The following NUMA1 variants were observed in gnomAD, a reference collection of about 807,000 sequenced individuals.
NUMA1 encodes nuclear mitotic apparatus protein 1.
Under a neutral mutation model 237.1 loss-of-function variants are expected in NUMA1, and 62 were observed. The observed-to-expected ratio is 0.26, with a 90% confidence interval of 0.21 to 0.32. NUMA1 has a LOEUF of 0.32. Ranked by LOEUF, NUMA1 falls within the 10% of genes least tolerant of loss-of-function variation. The pLI, the probability that NUMA1 is intolerant of heterozygous loss-of-function variation, is 1.00. For synonymous variants in NUMA1, 1,028 were observed against 1,066.1 expected (o/e 0.96, Z 0.70); for missense variants, 2,533 against 2,666.5 (o/e 0.95, Z 1.10).
At chr11:72,053,804 A>C (rs1428273814) in intron 2 of NUMA1, among the ~76,000 whole-genome samples, 1 of 152,192 alleles carries the variant, frequency 6.6e-6, no homozygotes, top group Non-Finnish European at 1.5e-5. Flanking sequence ...GAGATGAAAA[A>C]CATTTTAGGG....
chr11:72,008,653 A>G (rs1350441797), intron 20 of NUMA1, 35 bp downstream of exon 20: 8 of 1,610,510 alleles, frequency 5.0e-6, no homozygotes, highest in Non-Finnish European at 6.8e-6. Context: ...CAGGCACTCC[A>G]TAAACAGACA....
intron 2 of NUMA1, among the ~76,000 whole-genome samples, chr11:72,052,897 G>A (rs1164284181): frequency 6.6e-6 from 1 of 152,156 alleles, no homozygotes; most frequent in African/African-American, 2.4e-5. Flanking sequence ...GCATGATCAG[G>A]GCTATGTTTC....
intron 3 of NUMA1, among the ~76,000 whole-genome samples, chr11:72,035,369 A>C (rs1325050785): frequency 4.0e-5 from 6 of 151,552 alleles, no homozygotes; most frequent in Non-Finnish European, 8.8e-5. Flanking sequence ...AAGTCCCTGC[A>C]TATGTTGATC....
intron 3 of NUMA1, among the ~76,000 whole-genome samples, chr11:72,030,053 A>C (rs935555978): frequency 2.0e-5 from 3 of 152,136 alleles, no homozygotes; most frequent in Non-Finnish European, 4.4e-5. Flanking sequence ...GGGTGGAGGG[A>C]GCCAAGCGCG....
At chr11:72,012,543 C>T in intron 15 of NUMA1, 101 bp from the exon 16 acceptor site, 1 of 1,137,728 alleles carries the variant, frequency 8.8e-7, no homozygotes, top group Admixed American at 1.9e-5. Context: ...ATACTTTCCC[C>T]TAAGGAGCTA....
rs1565180682 is a variant in NUMA1 at position 72,003,934 on chromosome 11, CGCTGGCTGTGGTGGT to C, written c.6274_6288del (p.Thr2092_Ser2096del). On this transcript the variant is annotated inframe_deletion, in exon 26 of 27. Transcript: ENST00000393695. The stretch of plus-strand genomic sequence containing the variant: ...GCACCAATGGCGGCAGCAGTGGCGG[CGCTGGCTGTGGTGGT>C]GGCAATGCGCGGAGAACGGCGGGTT... 1.2e-6 allele frequency: 2 copies of C among 1,613,162 alleles called. No homozygotes were observed. The highest frequency in any genetic ancestry group is 1.7e-6 in the Non-Finnish European group (2 of 1,179,718).
At chr11:72,046,382 TAA>T (rs1304945268) in intron 2 of NUMA1, among the ~76,000 whole-genome samples, 4 of 152,002 alleles carry the variant, frequency 2.6e-5, no homozygotes, top group African/African-American at 9.7e-5. Context: ...CCATCTCTAC[TAA>T]AAATACAAAA....
chr11:72,033,379 T>G lies in NUMA1; in HGVS notation c.42+2523A>C, dbSNP rs1349314683. Among the ~76,000 whole-genome samples, 138 of 147,170 alleles carry G rather than the reference T, an allele frequency of 9.4e-4. 4 individuals carry two copies. In the South Asian group the frequency reaches 0.015, roughly 16 times the overall value. ...CATGTTCTTTGTTTTTTTTTTTTTTTTTTTTTTTTTGACACAGGCTTTCAC... is the reference window on the plus strand; with the variant it reads ...CATGTTCTTTGTTTTTTTTTTTTTTGTTTTTTTTTTGACACAGGCTTTCAC... On this transcript the variant is annotated intron_variant, in intron 3 of 26. Transcript: ENST00000393695.
At chr11:72,061,170 G>A (rs929164862) in intron 2 of NUMA1, among the ~76,000 whole-genome samples, 3 of 152,240 alleles carry the variant, frequency 2.0e-5, no homozygotes, top group Non-Finnish European at 4.4e-5. Context: ...CAAGGAGTTC[G>A]AGGTTGCAGT....
At chr11:72,072,963 C>T (rs911300335) in intron 1 of NUMA1, among the ~76,000 whole-genome samples, 9 of 135,382 alleles carry the variant, frequency 6.6e-5, no homozygotes, top group Admixed American at 2.6e-4. Flanking sequence ...AGGAGAATGG[C>T]GTGAACCTGG....
intron 10 of NUMA1, 28 bp from the exon 11 acceptor site, chr11:72,018,541 G>A (rs764177090): frequency 1.3e-6 from 2 of 1,584,782 alleles, no homozygotes; most frequent in Admixed American, 1.7e-5. Context: ...AGGAGGAGAG[G>A]AGAATCAGAA....
At chr11:72,024,167 C>G (rs1939258789) in intron 5 of NUMA1, 107 bp downstream of exon 5, 2 of 926,740 alleles carry the variant, frequency 2.2e-6, no homozygotes, top group African/African-American at 3.3e-5. Flanking sequence ...AGTGGGGAGC[C>G]TTGAAATTTT....
chr11:72,054,580 C>T (rs1481832317), intron 2 of NUMA1, among the ~76,000 whole-genome samples: 2 of 152,048 alleles, frequency 1.3e-5, no homozygotes, highest in Admixed American at 6.6e-5. Context: ...ATAAATCTTT[C>T]ACGATGTTAA....
At chr11:72,008,233 A>G (rs1307963119) in intron 20 of NUMA1, 10 of 420,848 alleles carry the variant, frequency 2.4e-5, no homozygotes, top group South Asian at 1.6e-4. Context: ...AATCTTTTTA[A>G]GATGCAAATT....
At chr11:72,037,744 A>C (rs1941207451) in intron 2 of NUMA1, among the ~76,000 whole-genome samples, 1 of 152,254 alleles carries the variant, frequency 6.6e-6, no homozygotes, top group Non-Finnish European at 1.5e-5. Flanking sequence ...TACCAGCATC[A>C]GTCTTGGAAT....
intron 15 of NUMA1, 128 bp downstream of exon 15, chr11:72,012,767 G>T: frequency 7.5e-7 from 1 of 1,336,766 alleles, no homozygotes; most frequent in Non-Finnish European, 1.0e-6. Context: ...CTCCTTTTCT[G>T]CCACCCAGTG....
chr11:72,052,128 T>C (rs1942394596), intron 2 of NUMA1, among the ~76,000 whole-genome samples: 1 of 152,128 alleles, frequency 6.6e-6, no homozygotes, highest in Non-Finnish European at 1.5e-5. Flanking sequence ...TGAAAGGCAT[T>C]ACAGACGTAG....
intron 17 of NUMA1, 59 bp from the exon 18 acceptor site, chr11:72,009,446 C>G: frequency 6.6e-7 from 1 of 1,525,254 alleles, no homozygotes; most frequent in Non-Finnish European, 8.7e-7. Flanking sequence ...GTCCGCTTAT[C>G]TGCACCAGCC....
At chr11:72,006,472 G>C (rs77660970) in intron 21 of NUMA1, among the ~76,000 whole-genome samples, 1 of 152,162 alleles carries the variant, frequency 6.6e-6, no homozygotes, top group Non-Finnish European at 1.5e-5. Flanking sequence ...ACTCTTCTAC[G>C]CATTTTTTTC....
Sources: allele counts gnomAD v4.1 joint callset (sites outside exome capture counted in the v4.1 genomes callset), GRCh38; gene constraint gnomAD v4.1.1; transcripts MANE v1.5; gene names NCBI Gene and HGNC (gene_info 2026-07-23, HGNC 2026-07-21).